The following HS6ST3 variants were observed in gnomAD, a reference collection of about 807,000 sequenced individuals.
The protein encoded by HS6ST3 is heparan-sulfate 6-O-sulfotransferase 3.
HS6ST3 carries 12 observed loss-of-function variants against 36.7 expected under a neutral mutation model. The observed-to-expected ratio is 0.33, with a 90% CI of 0.21 to 0.53. HS6ST3 has a LOEUF of 0.53. Among genes scored for constraint, HS6ST3 ranks in the 20% least tolerant of loss-of-function variants. HS6ST3 has a pLI of 0.95. For synonymous variants in HS6ST3, 240 were observed against 257.5 expected (o/e 0.93, Z 0.65); for missense variants, 584 against 640.9 (o/e 0.91, Z 0.96).
chr13:96,807,642 A>C (rs1878227553), intron 1 of HS6ST3, among the ~76,000 whole-genome samples: 1 of 152,226 alleles, frequency 6.6e-6, no homozygotes, highest in Non-Finnish European at 1.5e-5. Context: ...ATTTAACTGA[A>C]TAAACAAGGA....
chr13:96,148,429 G>T (rs2054068390), intron 1 of HS6ST3, among the ~76,000 whole-genome samples: 1 of 152,194 alleles, frequency 6.6e-6, no homozygotes, highest in Non-Finnish European at 1.5e-5. Context: ...TCTGTGGAGA[G>T]AGACAAAAAT....
intron 1 of HS6ST3, among the ~76,000 whole-genome samples, chr13:96,139,590 A>G (rs974076680): frequency 4.1e-5 from 6 of 147,106 alleles, no homozygotes; most frequent in South Asian, 4.3e-4. Context: ...TTAATTTGGT[A>G]TATATATAAG....
intron 1 of HS6ST3, among the ~76,000 whole-genome samples, chr13:96,711,510 A>G (rs1172178217): frequency 6.6e-6 from 1 of 152,266 alleles, no homozygotes; most frequent in Non-Finnish European, 1.5e-5. Flanking sequence ...AAAATAGCAT[A>G]TAGGCGATTG....
chr13:96,241,785 TC>T (rs1219958899), intron 1 of HS6ST3, among the ~76,000 whole-genome samples: 2 of 147,078 alleles, frequency 1.4e-5, no homozygotes, highest in Non-Finnish European at 3.0e-5. Context: ...CTTTTTTCTT[TC>T]TTTTTTTTTT....
intron 1 of HS6ST3, among the ~76,000 whole-genome samples, chr13:96,113,911 A>G (rs1326287888): frequency 6.6e-6 from 1 of 152,166 alleles, no homozygotes; most frequent in Non-Finnish European, 1.5e-5. Flanking sequence ...TGGTTAAACT[A>G]TGGTACAACA....
chr13:96,812,422 C>T lies in HS6ST3; in HGVS notation c.708-20068C>T, dbSNP rs145347963. On this transcript the variant is annotated intron_variant, in intron 1 of 1. Coordinates refer to ENST00000376705, the MANE Select transcript of HS6ST3 (RefSeq NM_153456.4). ...TATTTGAGCCCTTGCTTTAATCCAGCTCCAACCCCTCCATGCTAAGAATGG... is the reference window on the plus strand; with the variant it reads ...TATTTGAGCCCTTGCTTTAATCCAGTTCCAACCCCTCCATGCTAAGAATGG... 4.7e-3 allele frequency among the ~76,000 whole-genome samples: 714 copies of T among 152,246 alleles called. 5 individuals carry two copies. The highest frequency in any genetic ancestry group is 0.016 in the African/African-American group (648 of 41,532).
intron 1 of HS6ST3, among the ~76,000 whole-genome samples, chr13:96,383,639 G>C (rs945449355): frequency 3.3e-5 from 5 of 152,174 alleles, no homozygotes; most frequent in African/African-American, 1.2e-4. Flanking sequence ...TTGACTGTTT[G>C]TGCACAGCCT....
intron 1 of HS6ST3, among the ~76,000 whole-genome samples, chr13:96,415,258 A>C (rs1693073688): frequency 6.6e-6 from 1 of 152,092 alleles, no homozygotes; most frequent in African/African-American, 2.4e-5. Context: ...GGAACCTATG[A>C]GGAGAGGGAG....
At chr13:96,652,191 T>C (rs1394534194) in intron 1 of HS6ST3, among the ~76,000 whole-genome samples, 1 of 152,078 alleles carries the variant, frequency 6.6e-6, no homozygotes, top group African/African-American at 2.4e-5. Context: ...TATAATACTG[T>C]ATTAAAACTC....
chr13:96,147,328 A>C (rs2054062973), intron 1 of HS6ST3, among the ~76,000 whole-genome samples: 1 of 152,094 alleles, frequency 6.6e-6, no homozygotes, highest in Non-Finnish European at 1.5e-5. Context: ...CCCTTTGACC[A>C]CCTCATTAAC....
At chr13:96,329,640 GA>G (rs2055053682) in intron 1 of HS6ST3, among the ~76,000 whole-genome samples, 2 of 116,704 alleles carry the variant, frequency 1.7e-5, no homozygotes, top group South Asian at 6.1e-4. Flanking sequence ...GTGTGGTGCT[GA>G]AAAAAATGTA....
intron 1 of HS6ST3, among the ~76,000 whole-genome samples, chr13:96,679,308 A>G (rs2056710206): frequency 6.6e-6 from 1 of 151,628 alleles, no homozygotes; most frequent in Admixed American, 6.6e-5. Flanking sequence ...TGAGCTAATT[A>G]ATTAACAATA....
In HS6ST3 at chr13:96,617,217, C is replaced by T. The variant is rs537613011; in HGVS notation, c.708-215273C>T. ...AAGTATTGTAAAATACATTTAAATA[C>T]CTTGATTAAACCTTACTAACTCAAT... On this transcript the variant is annotated intron_variant, in intron 1 of 1. Transcript: ENST00000376705. Among the ~76,000 whole-genome samples, 116 of 152,214 alleles carry T rather than the reference C, an allele frequency of 7.6e-4. 1 individual carries two copies. The highest frequency in any genetic ancestry group is 2.6e-3 in the African/African-American group (109 of 41,528).
At chr13:96,761,539 A>C (rs1446085820) in intron 1 of HS6ST3, among the ~76,000 whole-genome samples, 2 of 151,958 alleles carry the variant, frequency 1.3e-5, no homozygotes, top group African/African-American at 2.4e-5. Flanking sequence ...TCAGGTGATT[A>C]CTTTTTTTAA....
chr13:96,432,357 C>T (rs1006168334), intron 1 of HS6ST3, among the ~76,000 whole-genome samples: 1 of 152,140 alleles, frequency 6.6e-6, no homozygotes, highest in Admixed American at 6.5e-5. Context: ...TGGTGTATGT[C>T]ATCAGATCTT....
chr13:96,304,717 T>TCTTTCTTTCTTTCTTTCTTTCTTTCTTTC, intron 1 of HS6ST3, among the ~76,000 whole-genome samples: 1 of 134,452 alleles, frequency 7.4e-6, no homozygotes, highest in Non-Finnish European at 1.6e-5. Flanking sequence ...CTTTCTTTTT[T>TCTTTCTTTCTTTCTTTCTTTCTTTCTTTC]TTTTTTTTTT....
intron 1 of HS6ST3, among the ~76,000 whole-genome samples, chr13:96,669,017 A>G (rs560828486): frequency 6.6e-6 from 1 of 152,202 alleles, no homozygotes; most frequent in African/African-American, 2.4e-5. Flanking sequence ...ACACATTTGC[A>G]TTGGTAATAG....
At chr13:96,822,101 G>A (rs1216976648) in intron 1 of HS6ST3, among the ~76,000 whole-genome samples, 2 of 152,124 alleles carry the variant, frequency 1.3e-5, no homozygotes, top group Non-Finnish European at 2.9e-5. Flanking sequence ...GGCTGAGCAC[G>A]GAGGGCCTGA....
intron 1 of HS6ST3, among the ~76,000 whole-genome samples, chr13:96,543,954 T>G (rs561872047): frequency 1.1e-4 from 14 of 127,882 alleles, no homozygotes; most frequent in South Asian, 4.6e-4. Context: ...GATGGGGAGA[T>G]ATATATATAT....
Sources: gnomAD v4.1 joint callset for allele counts (sites outside exome capture counted in the v4.1 genomes callset) on GRCh38, gnomAD v4.1.1 for gene constraint, MANE v1.5 for transcripts, NCBI Gene and HGNC (gene_info 2026-07-23, HGNC 2026-07-21) for gene names.